AVEN: variants seen among roughly 807,000 people sequenced by gnomAD.
AVEN encodes cell death regulator Aven.
Under a neutral mutation model 38.1 loss-of-function variants are expected in AVEN, and 41 were observed. That is an observed-to-expected ratio of 1.08 (90% CI 0.84 to 1.40). AVEN has a LOEUF of 1.40. AVEN is among the 40% of genes most tolerant of loss of function. AVEN has a pLI of 0.00. For missense variants in AVEN, 605 were observed against 438.8 expected (o/e 1.38, Z -3.38); for synonymous variants, 206 against 171.8 (o/e 1.20, Z -1.56).
chr15:34,073,977 TTTC>T (rs1452622824), intron 1 of AVEN, among the ~76,000 whole-genome samples: 3 of 13,974 alleles, frequency 2.1e-4, no homozygotes, highest in African/African-American at 3.7e-4. Flanking sequence ...AACTTTCTTT[TTTC>T]TTCTTCTTCT....
At chr15:33,975,215 G>A (rs1895833324) in intron 2 of AVEN, among the ~76,000 whole-genome samples, 1 of 152,096 alleles carries the variant, frequency 6.6e-6, no homozygotes, top group Non-Finnish European at 1.5e-5. Context: ...TGTTGTAATT[G>A]TTCTGCCATC....
chr15:33,966,610 T>C (rs903400335), intron 2 of AVEN, among the ~76,000 whole-genome samples: 4 of 151,698 alleles, frequency 2.6e-5, no homozygotes, highest in African/African-American at 9.7e-5. Context: ...CTTTAATGGC[T>C]CCCCATATTC....
rs534165230 is a variant in AVEN at position 33,951,359 on chromosome 15, A to G, written c.445+51673T>C. On this transcript the variant is annotated intron_variant, in intron 2 of 5. Transcript: ENST00000306730. Reference sequence around the variant, plus strand: ...TTCTAGACATTATTCCCAGAACCAAAAAGTCTAAACCAGCCTTCAAAAATT... The same window carrying G: ...TTCTAGACATTATTCCCAGAACCAAGAAGTCTAAACCAGCCTTCAAAAATT... 2.0e-5 allele frequency among the ~76,000 whole-genome samples: 3 copies of G among 152,148 alleles called. No homozygotes were observed. In the South Asian group the frequency reaches 6.3e-4, roughly 32 times the overall value.
At chr15:33,976,512 C>T (rs1044348495) in intron 2 of AVEN, among the ~76,000 whole-genome samples, 3 of 152,098 alleles carry the variant, frequency 2.0e-5, no homozygotes, top group Non-Finnish European at 4.4e-5. Flanking sequence ...TTTTTATGGC[C>T]TCTCCATAAA....
intron 2 of AVEN, among the ~76,000 whole-genome samples, chr15:33,945,595 G>A (rs1041567969): frequency 6.6e-6 from 1 of 151,026 alleles, no homozygotes; most frequent in African/African-American, 2.4e-5. Flanking sequence ...TTTTGTTTTG[G>A]TTTTTTTTTG....
intron 2 of AVEN, among the ~76,000 whole-genome samples, chr15:33,996,091 T>C (rs2140592768): frequency 6.6e-6 from 1 of 152,324 alleles, no homozygotes; most frequent in Non-Finnish European, 1.5e-5. Flanking sequence ...CGCAGCAGTC[T>C]GAGATAGACC....
intron 5 of AVEN, among the ~76,000 whole-genome samples, chr15:34,061,003 G>A (rs1203536298): frequency 2.0e-5 from 3 of 149,452 alleles, no homozygotes; most frequent in East Asian, 2.0e-4. Context: ...GCAACAGAGC[G>A]AGACTCCGTC....
intron 4 of AVEN, among the ~76,000 whole-genome samples, chr15:33,869,836 T>C (rs1890859351): frequency 6.6e-6 from 1 of 152,136 alleles, no homozygotes; most frequent in African/African-American, 2.4e-5. Context: ...TTTTTTTTTT[T>C]TTTTTGATCG....
intron 2 of AVEN, among the ~76,000 whole-genome samples, chr15:33,889,724 T>C (rs1046842927): frequency 6.6e-6 from 1 of 152,260 alleles, no homozygotes; most frequent in Non-Finnish European, 1.5e-5. Context: ...ATTTGAATTT[T>C]TAAATGTTTT....
intron 3 of AVEN, among the ~76,000 whole-genome samples, chr15:33,875,407 C>G (rs1891176602): frequency 6.6e-6 from 1 of 152,142 alleles, no homozygotes; most frequent in Non-Finnish European, 1.5e-5. Flanking sequence ...GAAAATATTA[C>G]ATACACACAA....
chr15:33,861,272 C>T, downstream of AVEN: 2 of 911,896 alleles, frequency 2.2e-6, no homozygotes, highest in Non-Finnish European at 3.4e-6. Flanking sequence ...AAAAGAGTAA[C>T]CAGAAAGGAA....
At chr15:33,984,407 G>GTT (rs11363064) in intron 2 of AVEN, among the ~76,000 whole-genome samples, 1 of 148,106 alleles carries the variant, frequency 6.8e-6, no homozygotes. Flanking sequence ...TGATGGTAGG[G>GTT]TTTTTTTTTT....
the AVEN span, chr15:33,852,253 C>CG: frequency 1.3e-5 from 2 of 152,164 alleles, no homozygotes; most frequent in East Asian, 1.9e-4. Flanking sequence ...GGAACCCCCC[C>CG]ACAGGAAGGA....
chr15:34,038,537 C>T (rs1899266107), intron 1 of AVEN, among the ~76,000 whole-genome samples: 1 of 152,068 alleles, frequency 6.6e-6, no homozygotes, highest in Non-Finnish European at 1.5e-5. Flanking sequence ...CTGGGAAGCC[C>T]TCCTACCCCC....
intron 2 of AVEN, among the ~76,000 whole-genome samples, chr15:33,959,148 C>G (rs1895074105): frequency 6.6e-6 from 1 of 152,138 alleles, no homozygotes; most frequent in East Asian, 1.9e-4. Context: ...TCCTAGCTAC[C>G]CTTTAGTATC....
rs1173231882 is a variant in AVEN, at chr15:34,063,551, C to T, written n.1127-119G>A. The T allele has an allele frequency of 6.2e-7, 1 of 1,613,652 alleles. No homozygotes were observed. The highest frequency in any genetic ancestry group is 8.5e-7 in the Non-Finnish European group (1 of 1,180,020). On this transcript the variant is annotated intron_variant and non_coding_transcript_variant, in intron 4 of 11. Transcript: ENST00000675287. This position sits in a 1 kb window ranked among gnomAD's most constrained non-coding sequence, Gnocchi z 4.1. ...CCTGGTCATCCTCCCGCAGGAGCAC[C>T]TCCACCACTGGGAAGCCATCCCAAG...
At chr15:33,859,437 A>G in intron 11 of AVEN, 1 of 809,142 alleles carries the variant, frequency 1.2e-6, no homozygotes, top group Non-Finnish European at 2.0e-6. Context: ...AGCAGCATGA[A>G]TACTGGCACC....
chr15:33,880,051 G>C (rs1891420598), intron 2 of AVEN, among the ~76,000 whole-genome samples: 1 of 152,150 alleles, frequency 6.6e-6, no homozygotes, highest in South Asian at 2.1e-4. Flanking sequence ...ATTTTGGTAA[G>C]TTATGTATTT....
chr15:34,020,228 G>C (rs1022041063), intron 1 of AVEN, among the ~76,000 whole-genome samples: 1 of 151,888 alleles, frequency 6.6e-6, no homozygotes, highest in Non-Finnish European at 1.5e-5. Flanking sequence ...GGAGAATGGC[G>C]TGAACCAGGG....
Sources: gnomAD v4.1 joint callset for allele counts (sites outside exome capture counted in the v4.1 genomes callset) on GRCh38, gnomAD v4.1.1 for gene constraint, Gnocchi (gnomAD v3.1) non-coding constraint, MANE v1.5 for transcripts, NCBI Gene and HGNC (gene_info 2026-07-23, HGNC 2026-07-21) for gene names.